The following NEGR1 variants were observed in gnomAD, a reference collection of about 807,000 sequenced individuals.
NEGR1 encodes the protein neuronal growth regulator 1, also known as IgLON family member 4.
A neutral mutation model predicts 40.9 loss-of-function variants in NEGR1; 10 were observed. The ratio of observed to expected loss-of-function variants is 0.24; its 90% CI spans 0.15 to 0.42. The LOEUF is 0.42. Ranked by LOEUF, NEGR1 falls within the 10% of genes least tolerant of loss-of-function variation. The pLI, the probability that NEGR1 is intolerant of heterozygous loss-of-function variation, is 1.00. For synonymous variants in NEGR1, 185 were observed against 166.8 expected (o/e 1.11, Z -0.84); for missense variants, 352 against 438.9 (o/e 0.80, Z 1.77).
intron 1 of NEGR1, among the ~76,000 whole-genome samples, chr1:72,195,758 T>C (rs1652979879): frequency 6.6e-6 from 1 of 152,036 alleles, no homozygotes; most frequent in Non-Finnish European, 1.5e-5. Flanking sequence ...GAATGATTGA[T>C]ACCTTTTATA....
intron 2 of NEGR1, among the ~76,000 whole-genome samples, chr1:71,902,576 A>G (rs1661170671): frequency 6.6e-6 from 1 of 152,140 alleles, no homozygotes; most frequent in African/African-American, 2.4e-5. Flanking sequence ...CTTCGGCGCC[A>G]TTTAGTATTC....
intron 1 of NEGR1, among the ~76,000 whole-genome samples, chr1:72,063,796 A>G (rs1204197804): frequency 1.3e-5 from 2 of 151,966 alleles, no homozygotes; most frequent in African/African-American, 4.8e-5. Flanking sequence ...TAAGCCCTCA[A>G]TGCTGTAACA....
At chr1:71,639,161 T>C (rs1651262661) in intron 4 of NEGR1, among the ~76,000 whole-genome samples, 1 of 149,872 alleles carries the variant, frequency 6.7e-6, no homozygotes, top group Non-Finnish European at 1.5e-5. Flanking sequence ...ACACCATCCT[T>C]GCATAGAATA....
chr1:71,983,042 T>C (rs956520207), intron 1 of NEGR1, among the ~76,000 whole-genome samples: 1 of 152,112 alleles, frequency 6.6e-6, no homozygotes, highest in Non-Finnish European at 1.5e-5. Flanking sequence ...GCTACCTGGA[T>C]TTAATACATT....
chr1:72,026,430 A>C (rs2100430094), intron 1 of NEGR1, among the ~76,000 whole-genome samples: 1 of 152,034 alleles, frequency 6.6e-6, no homozygotes, highest in South Asian at 2.1e-4. Flanking sequence ...AAAGAGTTAA[A>C]CTAGCTGACG....
At chr1:72,010,666 T>G (rs1005993392) in intron 1 of NEGR1, among the ~76,000 whole-genome samples, 2 of 121,364 alleles carry the variant, frequency 1.6e-5, no homozygotes, top group Non-Finnish European at 3.4e-5. Flanking sequence ...GAAAAAAAAA[T>G]ATTCCTGAAT....
At chr1:71,641,381 A>G (rs1651344136) in intron 4 of NEGR1, among the ~76,000 whole-genome samples, 1 of 152,110 alleles carries the variant, frequency 6.6e-6, no homozygotes, top group Admixed American at 6.6e-5. Flanking sequence ...TGAAGTTTCT[A>G]TAAAGCAGGT....
chr1:72,177,627 C>T (rs1252125159), intron 1 of NEGR1, among the ~76,000 whole-genome samples: 1 of 151,916 alleles, frequency 6.6e-6, no homozygotes, highest in Non-Finnish European at 1.5e-5. Flanking sequence ...TTACATAAAA[C>T]ATTAATATTC....
chr1:72,065,789 T>C (rs1217253472), intron 1 of NEGR1, among the ~76,000 whole-genome samples: 1 of 152,154 alleles, frequency 6.6e-6, no homozygotes, highest in Admixed American at 6.6e-5. Context: ...GAGCTTCATT[T>C]ACATTACTGC....
chr1:72,267,965 T>C (rs1175011422), intron 1 of NEGR1, among the ~76,000 whole-genome samples: 1 of 150,766 alleles, frequency 6.6e-6, no homozygotes, highest in Admixed American at 6.6e-5. Flanking sequence ...GAAAACAGTA[T>C]GAAAGAAAAG....
chr1:71,612,270 G>A (rs1187914521), intron 4 of NEGR1, among the ~76,000 whole-genome samples: 1 of 152,182 alleles, frequency 6.6e-6, no homozygotes, highest in Admixed American at 6.5e-5. Context: ...ATCATGTACT[G>A]TATTTATGGG....
chr1:71,477,407 G>A (rs1646828233), intron 6 of NEGR1: 2 of 152,012 alleles, frequency 1.3e-5, no homozygotes. Flanking sequence ...TTTGCTTTTG[G>A]TGACATTGCA....
chr1:71,458,502 G>A (rs569766312), intron 6 of NEGR1, among the ~76,000 whole-genome samples: 23 of 152,258 alleles, frequency 1.5e-4, no homozygotes, highest in Admixed American at 1.0e-3. Flanking sequence ...ATTTTTGAAT[G>A]TCAAGTTGCA....
intron 1 of NEGR1, among the ~76,000 whole-genome samples, chr1:71,999,055 A>G (rs2801325): frequency 0.73 from 110,437 of 151,566 alleles, 41,918 homozygotes; most frequent in East Asian, 0.99. Context: ...CTTCTACTCC[A>G]TCATCTATGA....
intron 2 of NEGR1, among the ~76,000 whole-genome samples, chr1:71,826,428 C>G (rs1007574078): frequency 6.6e-6 from 1 of 151,922 alleles, no homozygotes; most frequent in Admixed American, 6.6e-5. Context: ...ATATGTCACT[C>G]AAGACTCATT....
intron 3 of NEGR1, among the ~76,000 whole-genome samples, chr1:71,716,394 T>C (rs2101648611): frequency 6.6e-6 from 1 of 152,136 alleles, no homozygotes; most frequent in South Asian, 2.1e-4. Flanking sequence ...GAAATACCAA[T>C]AAAATTGAAA....
At chr1:72,120,897 ATGT>A (rs1490306974) in intron 1 of NEGR1, among the ~76,000 whole-genome samples, 1 of 152,012 alleles carries the variant, frequency 6.6e-6, no homozygotes, top group Non-Finnish European at 1.5e-5. Flanking sequence ...TTCACATACA[ATGT>A]TGTCATATAA....
At chr1:71,862,890 A>G (rs1570442980) in intron 2 of NEGR1, among the ~76,000 whole-genome samples, 1 of 152,278 alleles carries the variant, frequency 6.6e-6, no homozygotes, top group East Asian at 1.9e-4. Flanking sequence ...TATCAAAACC[A>G]CAATGAGATA....
chr1:71,613,106 A>G (rs1213434482), intron 4 of NEGR1, among the ~76,000 whole-genome samples: 2 of 152,156 alleles, frequency 1.3e-5, no homozygotes, highest in Non-Finnish European at 2.9e-5. Flanking sequence ...GGCTAGGATA[A>G]AAGTCTAGGG....
Sources: allele counts gnomAD v4.1 joint callset (sites outside exome capture counted in the v4.1 genomes callset), GRCh38; gene constraint gnomAD v4.1.1; transcripts MANE v1.5; gene names NCBI Gene and HGNC (gene_info 2026-07-23, HGNC 2026-07-21).